RAD18: variants seen among roughly 807,000 people sequenced by gnomAD.
The protein encoded by RAD18 is RAD18 E3 ubiquitin protein ligase.
RAD18 carries 47 observed loss-of-function variants against 60.4 expected under a neutral mutation model. The ratio of observed to expected loss-of-function variants is 0.78; its 90% CI spans 0.62 to 0.99. The LOEUF is 0.99. Ranked by LOEUF, RAD18 falls within the 50% of genes least tolerant of loss-of-function variation. The probability of loss-of-function intolerance (pLI) is 0.00; values close to 1 mark genes in which losing one functional copy is unlikely to be tolerated. For synonymous variants in RAD18, 225 were observed against 195.5 expected (o/e 1.15, Z -1.26); for missense variants, 640 against 593.3 (o/e 1.08, Z -0.82).
At chr3:8,902,304 C>A (rs464302) in intron 10 of RAD18, 76 bp downstream of exon 10, 854,532 of 1,298,404 alleles carry the variant, frequency 0.66, 291,121 homozygotes, top group Middle Eastern at 0.74. Context: ...AAGTAAATTT[C>A]TTTGGTTTAA....
chr3:8,949,933 A>G (rs1048563358), intron 2 of RAD18, among the ~76,000 whole-genome samples: 1 of 152,216 alleles, frequency 6.6e-6, no homozygotes, highest in African/African-American at 2.4e-5. Context: ...AAGTTCTCAC[A>G]GTGAATATTG....
chr3:8,908,758 C>T (rs1940057523), intron 9 of RAD18, among the ~76,000 whole-genome samples: 1 of 152,044 alleles, frequency 6.6e-6, no homozygotes. Flanking sequence ...TGATTATGAC[C>T]ATTATACTCT....
At chr3:8,905,208 T>G (rs1434521999) in intron 9 of RAD18, among the ~76,000 whole-genome samples, 2 of 152,214 alleles carry the variant, frequency 1.3e-5, no homozygotes, top group Admixed American at 1.3e-4. Flanking sequence ...GTCGTGGGAG[T>G]GTCCATGACT....
rs59945420 is a variant in RAD18, at chr3:8,956,750, T to TAAAAAAAA, written c.133+2162_133+2169dup. Among the ~76,000 whole-genome samples the TAAAAAAAA allele has an allele frequency of 1.8e-4, 25 of 137,784 alleles. 2 individuals are homozygous for TAAAAAAAA. The highest frequency in any genetic ancestry group is 8.3e-4 in the East Asian group (4 of 4,836). 90.4% of individuals were successfully genotyped at this position (137,784 alleles called of 152,430 possible). On this transcript the variant is annotated intron_variant, in intron 2 of 12. Coordinates refer to ENST00000264926, the MANE Select transcript of RAD18 (RefSeq NM_020165.4). The stretch of plus-strand genomic sequence containing the variant: ...CAAAATTCAACACCCATTCATGATT[T>TAAAAAAAA]AAAAAAAAAAATCCTCTCGCCTAAC...
chr3:8,910,189 T>C (rs981990291), intron 9 of RAD18, among the ~76,000 whole-genome samples: 2 of 152,198 alleles, frequency 1.3e-5, no homozygotes, highest in Admixed American at 1.3e-4. Context: ...GAGAAAATAA[T>C]GAGTTATAAT....
intron 10 of RAD18, among the ~76,000 whole-genome samples, chr3:8,901,654 C>T (rs1441727345): frequency 3.3e-5 from 5 of 152,034 alleles, no homozygotes; most frequent in African/African-American, 7.2e-5. Context: ...GCAGAGGGGA[C>T]GGAAGAGTTG....
chr3:8,891,880 C>G lies in RAD18; in HGVS notation c.1323-1429G>C, dbSNP rs1241039295. Among the ~76,000 whole-genome samples, 8 of 152,318 alleles carry G rather than the reference C, an allele frequency of 5.3e-5. No homozygotes were observed. In the South Asian group the frequency reaches 6.2e-4, roughly 12 times the overall value. On this transcript the variant is annotated intron_variant, in intron 11 of 12. Coordinates refer to ENST00000264926, the MANE Select transcript of RAD18 (RefSeq NM_020165.4). ...CAGACAGAACTGCTCATTCCTTTTT[C>G]AAGTAATGTGCTTATTACCATATCT...
chr3:8,943,083 AAAG>A (rs146542407), intron 4 of RAD18, among the ~76,000 whole-genome samples: 3,900 of 152,324 alleles, frequency 0.026, 174 homozygotes, highest in East Asian at 0.21. Context: ...TTGACAGAAC[AAAG>A]ATGAAGAGCT....
rs547533201 is a variant in RAD18 at position 8,941,333 on chromosome 3, T to C, written c.604+134A>G. On this transcript the variant is annotated intron_variant, in intron 5 of 12. Transcript: ENST00000264926. The stretch of plus-strand genomic sequence containing the variant: ...GAGAACAAACATATCTACAACAATG[T>C]CTGAGGTTTGTGATATGGTAAAATC... 127 of 772,898 alleles carry C rather than the reference T, an allele frequency of 1.6e-4. 1 individual carries two copies. In the Admixed American group the frequency reaches 2.8e-3, roughly 17 times the overall value. The allele number at this position is 772,898 out of a possible 1,614,324, so 47.9% of individuals were successfully genotyped here.
chr3:8,891,811 G>C (rs1939696614), intron 11 of RAD18, among the ~76,000 whole-genome samples: 1 of 152,188 alleles, frequency 6.6e-6, no homozygotes, highest in South Asian at 2.1e-4. Context: ...TCCAATTCTA[G>C]TCACCACTGA....
chr3:8,961,618 A>C (rs2124850112), intron 1 of RAD18, among the ~76,000 whole-genome samples: 1 of 152,344 alleles, frequency 6.6e-6, no homozygotes, highest in South Asian at 2.1e-4. Flanking sequence ...GAGTTCAAGC[A>C]AAAATTAGGT....
chr3:8,881,845 A>G (rs928753575), intron 12 of RAD18, among the ~76,000 whole-genome samples: 2 of 152,224 alleles, frequency 1.3e-5, no homozygotes, highest in South Asian at 2.1e-4. Context: ...GGAACTAAGA[A>G]AGTAAAATTC....
intron 7 of RAD18, among the ~76,000 whole-genome samples, chr3:8,916,310 A>G (rs1035761470): frequency 1.3e-5 from 2 of 152,164 alleles, no homozygotes; most frequent in African/African-American, 4.8e-5. Context: ...AAGCTAAATC[A>G]GAGTAACAGA....
chr3:8,904,390 A>G (rs1389897573), intron 9 of RAD18, among the ~76,000 whole-genome samples: 1 of 152,228 alleles, frequency 6.6e-6, no homozygotes, highest in Non-Finnish European at 1.5e-5. Context: ...TGACAGGCAC[A>G]GCAAAGACAT....
chr3:8,925,589 C>T (rs77811240), intron 7 of RAD18, among the ~76,000 whole-genome samples: 37 of 152,294 alleles, frequency 2.4e-4, no homozygotes, highest in South Asian at 1.7e-3. Context: ...GATACCAAAG[C>T]CTGGCAAAGA....
At chr3:8,895,148 A>T (rs1467570707) in intron 11 of RAD18, among the ~76,000 whole-genome samples, 1 of 152,098 alleles carries the variant, frequency 6.6e-6, no homozygotes, top group Non-Finnish European at 1.5e-5. Flanking sequence ...TCACCACCTG[A>T]AACAGAATGA....
intron 7 of RAD18, among the ~76,000 whole-genome samples, chr3:8,932,750 G>A (rs1435011047): frequency 3.3e-5 from 5 of 152,184 alleles, no homozygotes; most frequent in Non-Finnish European, 7.3e-5. Flanking sequence ...AACAGGTGAA[G>A]GGATATACAA....
At chr3:8,962,342 C>T (rs925574153) in intron 1 of RAD18, among the ~76,000 whole-genome samples, 2 of 152,214 alleles carry the variant, frequency 1.3e-5, no homozygotes, top group African/African-American at 4.8e-5. Context: ...AAAACTACAG[C>T]TTTCCTGGAT....
rs1231097192 is a variant in RAD18 at position 8,879,173 on chromosome 3, T to C, written c.*2184A>G. 1 of 152,228 alleles carries C rather than the reference T, an allele frequency of 6.6e-6. No individual in the cohort carries two copies. The allele number at this position is 152,228 out of a possible 1,614,324, so 9.4% of individuals were successfully genotyped here. On this transcript the variant is annotated 3_prime_UTR_variant, in exon 13 of 13. Coordinates refer to ENST00000264926, the MANE Select transcript of RAD18 (RefSeq NM_020165.4). ...ACTGACATGTTAGACTGGATAATTC[T>C]TTACTGTGGAGTGTTGTAGTCTAAA...
Sources: gnomAD v4.1 joint callset for allele counts (sites outside exome capture counted in the v4.1 genomes callset) on GRCh38, gnomAD v4.1.1 for gene constraint, MANE v1.5 for transcripts, NCBI Gene and HGNC (gene_info 2026-07-23, HGNC 2026-07-21) for gene names.